Variants in ALDH3B1 observed in about 807,000 individuals in gnomAD.
ALDH3B1 encodes aldehyde dehydrogenase 3 family member B1.
Under a neutral mutation model 46.2 loss-of-function variants are expected in ALDH3B1, and 37 were observed. The observed-to-expected ratio is 0.80, with a 90% CI of 0.62 to 1.05. The LOEUF is 1.05. Among genes scored for constraint, ALDH3B1 ranks in the 50% least tolerant of loss-of-function variants. The pLI is 0.00. For synonymous variants in ALDH3B1, 283 were observed against 281.0 expected, an observed-to-expected ratio of 1.01 and a Z score of -0.07; for missense variants, 603 against 665.5, an observed-to-expected ratio of 0.91 and a Z score of 1.03.
intron 2 of ALDH3B1, chr11:68,016,981 T>A (rs1267462144): frequency 2.6e-5 from 4 of 152,340 alleles, no homozygotes. Flanking sequence ...GTCACCCCCC[T>A]GTCCCCACCC....
chr11:68,027,964 G>T lies in ALDH3B1; in HGVS notation c.*25G>T. The T allele has an allele frequency of 6.4e-7, 1 of 1,554,492 alleles. No homozygotes were observed. Among genetic ancestry groups the T allele is most frequent in the South Asian group, 1.2e-5 (1 of 85,454 alleles). On this transcript the variant is annotated 3_prime_UTR_variant, in exon 10 of 10. Transcript: ENST00000342456. ...AGCCCTTCCCCAGGCCCAGGCTGTA[G>T]ACCACCATGACAGCTGTCGCCTGCG...
intron 1 of ALDH3B1, among the ~76,000 whole-genome samples, chr11:68,011,566 C>A (rs569777804): frequency 4.6e-5 from 7 of 152,354 alleles, no homozygotes; most frequent in African/African-American, 1.2e-4. Context: ...TTTAATGAAG[C>A]TACACTGCAG....
In ALDH3B1 at chr11:68,018,634, C is replaced by A; in HGVS notation, c.270C>A (p.Asn90Lys). The change falls in exon 3 of 10, where the codon AAC (asparagine) becomes AAA (lysine). Residue 90 changes from asparagine to lysine, a missense_variant. By Grantham distance (94) the Asn-to-Lys change is moderately conservative. Transcript: ENST00000342456. ...TGAAGGACGAGCGTGTGCCCAAGAA[C>A]CTGGTGAGCCGGCCGGGCTGAGGCG... The part of the protein sequence containing the change: ...AWMKDERVPK[N>K]LATQLDSAFI... The A allele has an allele frequency of 6.4e-7, 1 of 1,571,588 alleles. No homozygotes were observed. Among genetic ancestry groups the A allele is most frequent in the East Asian group, 2.4e-5 (1 of 42,166 alleles).
chr11:68,010,728 C>G (rs1288425166), intron 1 of ALDH3B1, among the ~76,000 whole-genome samples: 10 of 152,188 alleles, frequency 6.6e-5, no homozygotes, highest in Non-Finnish European at 4.4e-5. Context: ...TCCAGCTGCC[C>G]CAGGAAGGAC....
intron 2 of ALDH3B1, 79 bp from the exon 3 acceptor site, chr11:68,018,448 G>C (rs1683330030): frequency 9.4e-7 from 1 of 1,067,586 alleles, no homozygotes; most frequent in African/African-American, 1.6e-5. Context: ...TGTGGAAGCA[G>C]GCCCTGCCTG....
rs1857504366 is a variant in ALDH3B1, at chr11:68,021,780, C to G, written c.858C>G (p.Ile286Met). The G allele has an allele frequency of 6.2e-7, 1 of 1,614,206 alleles. No homozygotes were observed. Among genetic ancestry groups the G allele is most frequent in the South Asian group, 1.1e-5 (1 of 91,080 alleles). ...GCTCCCCAAACCTGGGCCGCATCAT[C>G]AACCAGAAACAGTTCCAGCGGCTGC... Reference protein sequence around the residue: ...PQSSPNLGRIINQKQFQRLRA... With the variant: ...PQSSPNLGRIMNQKQFQRLRA... The change falls in exon 7 of 10, where the codon ATC becomes ATG. Residue 286 changes from isoleucine (I) to methionine (M), a missense_variant. Coordinates refer to ENST00000342456, the MANE Select transcript of ALDH3B1 (RefSeq NM_000694.4).
intron 8 of ALDH3B1, among the ~76,000 whole-genome samples, chr11:68,023,390 G>T (rs1317881569): frequency 6.7e-6 from 1 of 149,126 alleles, no homozygotes; most frequent in Non-Finnish European, 1.5e-5. Flanking sequence ...TGCAACCTCT[G>T]CCTCCCGGGT....
chr11:68,022,798 C>G (rs370974852), intron 8 of ALDH3B1, 37 bp downstream of exon 8: 4 of 1,611,582 alleles, frequency 2.5e-6, no homozygotes, highest in Non-Finnish European at 2.5e-6. Context: ...GTCAGGAGCC[C>G]GCAGTGGGCA....
chr11:68,011,914 G>A (rs569633965), intron 1 of ALDH3B1, among the ~76,000 whole-genome samples: 1 of 152,222 alleles, frequency 6.6e-6, no homozygotes, highest in Admixed American at 6.5e-5. Context: ...CACAGGCAGT[G>A]CCCAATTTTA....
At chr11:68,020,051 C>CG (rs1292218513) in intron 6 of ALDH3B1, among the ~76,000 whole-genome samples, 2 of 152,108 alleles carry the variant, frequency 1.3e-5, no homozygotes, top group African/African-American at 4.8e-5. Flanking sequence ...GACCCTCATA[C>CG]GTGACCCTGC....
chr11:68,026,599 G>T (rs531053198), intron 9 of ALDH3B1, among the ~76,000 whole-genome samples: 1 of 151,698 alleles, frequency 6.6e-6, no homozygotes, highest in Non-Finnish European at 1.5e-5. Context: ...GAGCAGCCCC[G>T]ATGCCACTGC....
chr11:68,009,102 G>C (rs905065459), upstream of ALDH3B1, among the ~76,000 whole-genome samples: 1 of 152,212 alleles, frequency 6.6e-6, no homozygotes, highest in African/African-American at 2.4e-5. Context: ...GGGGACATCC[G>C]AAACGGGTGC....
chr11:68,026,822 A>C (rs1049093317), intron 9 of ALDH3B1, among the ~76,000 whole-genome samples: 24 of 152,180 alleles, frequency 1.6e-4, no homozygotes, highest in African/African-American at 5.1e-4. Flanking sequence ...AGGTGGGTCC[A>C]TGCCCTTCCT....
At chr11:68,024,719 C>T (rs1052698911) in intron 8 of ALDH3B1, 1 of 152,234 alleles carries the variant, frequency 6.6e-6, no homozygotes, top group Non-Finnish European at 1.5e-5. Context: ...GAAGCATAGT[C>T]TTAGCTGGAT....
chr11:68,023,186 T>C (rs1040052155), intron 8 of ALDH3B1, among the ~76,000 whole-genome samples: 1 of 152,118 alleles, frequency 6.6e-6, no homozygotes, highest in African/African-American at 2.4e-5. Flanking sequence ...AGAGGCAGCC[T>C]GGGAGGCCCA....
intron 1 of ALDH3B1, among the ~76,000 whole-genome samples, chr11:68,013,245 C>A (rs1447496001): frequency 6.6e-6 from 1 of 152,180 alleles, no homozygotes; most frequent in Non-Finnish European, 1.5e-5. Flanking sequence ...AATGCCAGGG[C>A]TGGTTGCCCT....
In ALDH3B1 at chr11:68,019,775, T is replaced by C. The variant is rs1205353904; in HGVS notation, c.541T>C (p.Phe181Leu). 3 of 1,613,936 alleles carry C rather than the reference T, an allele frequency of 1.9e-6. No homozygotes were observed. The highest frequency in any genetic ancestry group is 1.7e-5 in the Admixed American group (1 of 59,996). ...GACGGGGCAGCTGCTAGAGCACAGG[T>C]TCGACTACATCTTCTTCACAGGTGA... ...QETGQLLEHR[F>L]DYIFFTGSPR... The change falls in exon 6 of 10, where the codon TTC (phenylalanine) becomes CTC (leucine). Residue 181 changes from phenylalanine (F) to leucine (L), a missense_variant. Physicochemically the swap from Phe to Leu is conservative, Grantham distance 22. Coordinates refer to ENST00000342456, the MANE Select transcript of ALDH3B1 (RefSeq NM_000694.4).
chr11:68,013,425 G>A (rs776462389), intron 1 of ALDH3B1, among the ~76,000 whole-genome samples: 34 of 152,196 alleles, frequency 2.2e-4, no homozygotes, highest in Non-Finnish European at 4.7e-4. Context: ...TCTTACAAAG[G>A]GTGAGAGAGG....
At chr11:68,012,704 G>A (rs985537572) in intron 1 of ALDH3B1, among the ~76,000 whole-genome samples, 5 of 152,214 alleles carry the variant, frequency 3.3e-5, no homozygotes, top group African/African-American at 4.8e-5. Context: ...CTGGCCTACC[G>A]GAGTCCACCC....
Sources: gnomAD v4.1 joint callset for allele counts (sites outside exome capture counted in the v4.1 genomes callset) on GRCh38, gnomAD v4.1.1 for gene constraint, MANE v1.5 for transcripts, NCBI Gene and HGNC (gene_info 2026-07-23, HGNC 2026-07-21) for gene names.